Variants in CEP112 observed in about 807,000 individuals in gnomAD.
CEP112 encodes centrosomal protein 112.
Under a neutral mutation model 153.0 loss-of-function variants are expected in CEP112, and 127 were observed. The observed-to-expected ratio is 0.83, with a 90% confidence interval of 0.72 to 0.96. The LOEUF (loss-of-function observed/expected upper bound fraction) is 0.96, where lower values mean the gene tolerates loss of function less well. CEP112 is among the 40% of genes least tolerant of loss of function. The pLI, the probability that CEP112 is intolerant of heterozygous loss-of-function variation, is 0.00. For synonymous variants in CEP112, 358 were observed against 374.4 expected, an observed-to-expected ratio of 0.96 and a Z score of 0.51; for missense variants, 1,089 against 1,101.2, an observed-to-expected ratio of 0.99 and a Z score of 0.16.
intron 21 of CEP112, among the ~76,000 whole-genome samples, chr17:65,831,289 G>A (rs1357123134): frequency 6.6e-6 from 1 of 152,190 alleles, no homozygotes; most frequent in Non-Finnish European, 1.5e-5. Flanking sequence ...CAGGCGCAGT[G>A]GCTCATGCCT....
At chr17:65,980,249 G>A (rs1295199454) in intron 17 of CEP112, among the ~76,000 whole-genome samples, 1 of 152,050 alleles carries the variant, frequency 6.6e-6, no homozygotes, top group African/African-American at 2.4e-5. Context: ...TTTATATCAA[G>A]TAATAAAAAA....
intron 20 of CEP112, among the ~76,000 whole-genome samples, chr17:65,879,852 C>CAA (rs777426324): frequency 5.3e-5 from 4 of 74,902 alleles, no homozygotes; most frequent in South Asian, 4.0e-4. Flanking sequence ...AAAAAATTTG[C>CAA]AAAAAAAAAA....
intron 20 of CEP112, among the ~76,000 whole-genome samples, 195 bp from the exon 21 acceptor site, chr17:65,852,229 TC>T (rs372625762): frequency 1.7e-4 from 3 of 17,412 alleles, no homozygotes; most frequent in Non-Finnish European, 2.7e-4. Flanking sequence ...CCTCTTTCCC[TC>T]TCCCTTCCTT....
chr17:66,062,921 C>T, intron 11 of CEP112, 42 bp downstream of exon 11: 1 of 957,932 alleles, frequency 1.0e-6, no homozygotes, highest in Non-Finnish European at 1.6e-6. Context: ...TACTTGGAAG[C>T]ATAAACTTTT....
intron 10 of CEP112, among the ~76,000 whole-genome samples, chr17:66,065,262 A>G (rs2067071240): frequency 6.6e-6 from 1 of 152,146 alleles, no homozygotes; most frequent in African/African-American, 2.4e-5. Context: ...GGGACTTTAT[A>G]TATTATTTAT....
chr17:65,934,356 G>A (rs1004877912), intron 18 of CEP112, among the ~76,000 whole-genome samples: 6 of 152,016 alleles, frequency 3.9e-5, no homozygotes, highest in African/African-American at 1.4e-4. Context: ...AAGTTGCATG[G>A]TAACCACAAA....
chr17:65,876,130 C>T (rs1337712281), intron 20 of CEP112, among the ~76,000 whole-genome samples: 2 of 152,328 alleles, frequency 1.3e-5, no homozygotes, highest in East Asian at 3.9e-4. Context: ...AGACTCACTG[C>T]ACAGCTATAC....
chr17:66,130,599 C>T (rs1295886603), intron 5 of CEP112, among the ~76,000 whole-genome samples: 1 of 151,850 alleles, frequency 6.6e-6, no homozygotes, highest in Non-Finnish European at 1.5e-5. Flanking sequence ...CAGGCTGAAA[C>T]CCTGTCTCTA....
chr17:65,860,024 A>C (rs1057461582), intron 20 of CEP112, among the ~76,000 whole-genome samples: 14 of 151,208 alleles, frequency 9.3e-5, no homozygotes, highest in African/African-American at 9.7e-5. Flanking sequence ...CAAAAAAAAA[A>C]AAAAAACAAA....
chr17:65,849,071 A>T (rs2057828572), intron 21 of CEP112, among the ~76,000 whole-genome samples: 1 of 152,150 alleles, frequency 6.6e-6, no homozygotes, highest in Non-Finnish European at 1.5e-5. Context: ...TGAAGCAAAA[A>T]TGCTTATCAC....
intron 23 of CEP112, among the ~76,000 whole-genome samples, chr17:65,712,824 C>T (rs535555627): frequency 3.3e-5 from 5 of 152,022 alleles, no homozygotes; most frequent in South Asian, 2.1e-4. Context: ...GTGCTGTGGG[C>T]GATACTCAAA....
chr17:66,082,421 G>A (rs374073799), intron 8 of CEP112, among the ~76,000 whole-genome samples: 22 of 152,298 alleles, frequency 1.4e-4, no homozygotes, highest in East Asian at 1.3e-3. Context: ...CATAACATAT[G>A]AGAAATATGC....
At chr17:66,014,063 G>A (rs960072797) in intron 16 of CEP112, among the ~76,000 whole-genome samples, 3 of 152,334 alleles carry the variant, frequency 2.0e-5, no homozygotes, top group Middle Eastern at 3.4e-3. Flanking sequence ...CAGCAATGGC[G>A]CAGTGGGATG....
At position 66,183,286 on chromosome 17, in the gene CEP112, C is replaced by T. The variant is rs1568590553; in HGVS notation, c.14G>A (p.Ser5Asn). 2.5e-6 allele frequency: 4 copies of T among 1,610,598 alleles called. No individual in the cohort carries two copies. The highest frequency in any genetic ancestry group is 3.4e-6 in the Non-Finnish European group (4 of 1,177,810). ...CAGCTTCTCCCATTTTTCTTCTTCA[C>T]TTCCCACTTCCATAATCCAATCTGT... MEVGSEEEKWEKLDA... is the reference protein window; with the variant it reads MEVGNEEEKWEKLDA... The change falls in exon 2 of 27, where the codon AGT becomes AAT. Residue 5 changes from serine to asparagine, a missense_variant. Physicochemically the swap from Ser to Asn is conservative, Grantham distance 46 (BLOSUM62 1). Transcript: ENST00000535342.
chr17:65,797,794 C>T (rs1189706507), intron 21 of CEP112, among the ~76,000 whole-genome samples: 3 of 152,202 alleles, frequency 2.0e-5, no homozygotes, highest in Non-Finnish European at 4.4e-5. Flanking sequence ...TGGTTCAGTG[C>T]TTATGCTAGT....
intron 21 of CEP112, among the ~76,000 whole-genome samples, chr17:65,842,469 G>A (rs1352486904): frequency 6.6e-6 from 1 of 152,056 alleles, no homozygotes; most frequent in African/African-American, 2.4e-5. Flanking sequence ...AGATTATTCG[G>A]GAAACTGTGA....
At chr17:66,164,685 G>A (rs1183423710) in intron 4 of CEP112, among the ~76,000 whole-genome samples, 2 of 151,474 alleles carry the variant, frequency 1.3e-5, no homozygotes, top group East Asian at 1.9e-4. Flanking sequence ...GTAAAGCCCC[G>A]TCTCTACTAA....
intron 6 of CEP112, among the ~76,000 whole-genome samples, chr17:66,123,024 C>T (rs760969504): frequency 2.6e-5 from 4 of 152,206 alleles, no homozygotes; most frequent in Non-Finnish European, 5.9e-5. Context: ...TTCAGACTGC[C>T]TCTCCCCCTG....
Position 66,175,094 on chromosome 17 carries a change from G to C in CEP112, c.420C>G (p.Leu140=), listed in dbSNP as rs2072414943. 5 of 1,613,012 alleles carry C rather than the reference G, an allele frequency of 3.1e-6. No individual in the cohort carries two copies. Among genetic ancestry groups the C allele is most frequent in the Non-Finnish European group, 4.2e-6 (5 of 1,179,514 alleles). Residue 140 remains leucine (L), a synonymous_variant, in exon 4 of 27, where the codon CTC becomes CTG. Coordinates refer to ENST00000535342, the MANE Select transcript of CEP112 (RefSeq NM_001199165.4). ...SEHKLNESWK[L]SSGEDNTLVQ... ...CTAAAGTGTTATCTTCTCCAGAAGA[G>C]AGTTTCCATGATTCATTTAATTTGT...
Sources: allele counts gnomAD v4.1 joint callset (sites outside exome capture counted in the v4.1 genomes callset), GRCh38; gene constraint gnomAD v4.1.1; transcripts MANE v1.5; gene names NCBI Gene and HGNC (gene_info 2026-07-23, HGNC 2026-07-21).